The following CFLAR variants were observed in gnomAD, a reference collection of about 807,000 sequenced individuals.
CFLAR encodes CASP8 and FADD-like apoptosis regulator.
In CFLAR, 14 loss-of-function variants were observed where a neutral mutation model predicts 51.1. The ratio of observed to expected loss-of-function variants is 0.27; its 90% CI spans 0.18 to 0.43. The LOEUF is 0.43. CFLAR is among the 20% of genes least tolerant of loss of function. The pLI is 1.00. For synonymous variants in CFLAR, 210 were observed against 211.6 expected (o/e 0.99, Z 0.06); for missense variants, 390 against 566.5 (o/e 0.69, Z 3.16).
rs1363053906 is a variant in CFLAR at position 201,169,679 on chromosome 2, T to C, written c.*5706T>C. 1.3e-5 allele frequency: 2 copies of C among 152,058 alleles called. No individual in the cohort carries two copies. The highest frequency in any genetic ancestry group is 6.5e-5 in the Admixed American group (1 of 15,270). The allele number at this position is 152,058 out of a possible 1,614,324, so 9.4% of individuals were successfully genotyped here. A position where few individuals can be genotyped will look rare whatever the true frequency, so the allele number is the denominator to read the frequency against. Reference sequence around the variant, plus strand: ...TAGAGTGAACAGGCAACCTACAGAATGGGAGAACATTTTTGCAATCTATCC... The same window carrying C: ...TAGAGTGAACAGGCAACCTACAGAACGGGAGAACATTTTTGCAATCTATCC... On this transcript the variant is annotated 3_prime_UTR_variant, in exon 10 of 10. Transcript: ENST00000309955.
intron 8 of CFLAR, among the ~76,000 whole-genome samples, chr2:201,158,344 T>A (rs1942517136): frequency 2.6e-5 from 4 of 152,248 alleles, no homozygotes; most frequent in Admixed American, 2.6e-4. Flanking sequence ...CAGCATTTGT[T>A]CTGTCCAAGC....
In CFLAR at chr2:201,159,060, T is replaced by C. The variant is rs1942668177; in HGVS notation, c.794-1372T>C. On this transcript the variant is annotated intron_variant, in intron 8 of 9. Coordinates refer to ENST00000309955, the MANE Select transcript of CFLAR (RefSeq NM_003879.7). ...GCCTGGCTAATTTTTGTATTTTTAGTAGAGACGGGGTTTCACCATATTGGC... is the reference window on the plus strand; with the variant it reads ...GCCTGGCTAATTTTTGTATTTTTAGCAGAGACGGGGTTTCACCATATTGGC... Among the ~76,000 whole-genome samples the C allele has an allele frequency of 4.6e-5, 7 of 151,910 alleles. No homozygotes were observed. In the South Asian group the frequency reaches 1.5e-3, roughly 32 times the overall value.
At position 201,149,041 on chromosome 2, in the gene CFLAR, T is replaced by C; in HGVS notation, c.700T>C (p.Phe234Leu). 6.2e-7 allele frequency: 1 copy of C among 1,609,906 alleles called. No homozygotes were observed. The highest frequency in any genetic ancestry group is 8.5e-7 in the Non-Finnish European group (1 of 1,176,256). ...GAAATCCATTCAGGAATCAGAAGCT[T>C]TTTTGCCTCAGGTACAGAATAAATG... Reference protein sequence around the residue: ...VKKSIQESEAFLPQSIPEERY... With the variant: ...VKKSIQESEALLPQSIPEERY... Residue 234 changes from phenylalanine (F) to leucine (L), a missense_variant, in exon 7 of 10, where the codon TTT becomes CTT. By Grantham distance (22) the Phe-to-Leu change is conservative (BLOSUM62 0). Transcript: ENST00000309955.
At chr2:201,140,155 C>A in intron 4 of CFLAR, 1 of 372,922 alleles carries the variant, frequency 2.7e-6, no homozygotes, top group Non-Finnish European at 4.6e-6. Context: ...GCGGCAGCGG[C>A]GGGGCGGGCC....
intron 8 of CFLAR, among the ~76,000 whole-genome samples, chr2:201,154,919 G>A (rs967505010): frequency 3.9e-5 from 6 of 152,262 alleles, no homozygotes; most frequent in South Asian, 2.1e-4. Context: ...ATGAAATAAG[G>A]TTATTCTTTG....
At chr2:201,136,136 G>A in intron 4 of CFLAR, 29 bp downstream of exon 4, 1 of 1,612,702 alleles carries the variant, frequency 6.2e-7, no homozygotes, top group South Asian at 1.1e-5. Flanking sequence ...CAGTGGTCTA[G>A]GGGAAGTACT....
chr2:201,168,450 A>C lies in CFLAR; in HGVS notation c.*4477A>C, dbSNP rs1943800958. The stretch of plus-strand genomic sequence containing the variant: ...TTGCTTCATGTTAAAAACTCTCAAT[A>C]AACTAGGTATTGATGGAAAATATCT... On this transcript the variant is annotated 3_prime_UTR_variant, in exon 10 of 10. Transcript: ENST00000309955. 3 of 152,148 alleles carry C rather than the reference A, an allele frequency of 2.0e-5. No individual in the cohort carries two copies. The allele number at this position is 152,148 out of a possible 1,614,324, so 9.4% of individuals were successfully genotyped here. A position where few individuals can be genotyped will look rare whatever the true frequency, so the allele number is the denominator to read the frequency against.
chr2:201,155,230 A>G (rs1452912157), intron 8 of CFLAR, among the ~76,000 whole-genome samples: 1 of 152,126 alleles, frequency 6.6e-6, no homozygotes, highest in Non-Finnish European at 1.5e-5. Flanking sequence ...CCCTTGAATA[A>G]AAATAAAAGA....
At chr2:201,162,514 G>T in intron 9 of CFLAR, 1 of 179,732 alleles carries the variant, frequency 5.6e-6, no homozygotes. Flanking sequence ...CCAAAGCAGG[G>T]GACAAGGACT....
intron 8 of CFLAR, among the ~76,000 whole-genome samples, chr2:201,154,886 C>G (rs895578396): frequency 6.6e-6 from 1 of 152,272 alleles, no homozygotes; most frequent in Non-Finnish European, 1.5e-5. Context: ...GAGGTGGAGT[C>G]TGATCTCAGA....
chr2:201,117,478 A>G (rs138396835), intron 1 of CFLAR, among the ~76,000 whole-genome samples: 11 of 152,316 alleles, frequency 7.2e-5, no homozygotes, highest in African/African-American at 2.2e-4. Flanking sequence ...AGGTCTTGCG[A>G]ATATTTTAAT....
At position 201,164,361 on chromosome 2, in the gene CFLAR, T is replaced by C. The variant is rs1943347297; in HGVS notation, c.*388T>C. On this transcript the variant is annotated 3_prime_UTR_variant, in exon 10 of 10. Coordinates refer to ENST00000309955, the MANE Select transcript of CFLAR (RefSeq NM_003879.7). ...AGAGGGACAGAACTAATAGGATACA[T>C]GTATATAAAAAGGGGAGTTTATTAA... The C allele has an allele frequency of 6.5e-6, 1 of 154,690 alleles. No individual in the cohort carries two copies. Among genetic ancestry groups the C allele is most frequent in the Non-Finnish European group, 1.4e-5 (1 of 69,788 alleles). 9.6% of individuals were successfully genotyped at this position (154,690 alleles called of 1,614,324 possible). A position where few individuals can be genotyped will look rare whatever the true frequency, so the allele number is the denominator to read the frequency against.
chr2:201,136,162 G>A (rs1197025200), intron 4 of CFLAR, 55 bp downstream of exon 4: 1 of 1,612,440 alleles, frequency 6.2e-7, no homozygotes, highest in Non-Finnish European at 8.5e-7. Context: ...CATGGGGGTG[G>A]GCATCATGAC....
At chr2:201,158,780 T>G (rs1276757860) in intron 8 of CFLAR, among the ~76,000 whole-genome samples, 1 of 151,848 alleles carries the variant, frequency 6.6e-6, no homozygotes, top group African/African-American at 2.4e-5. Flanking sequence ...AAATTGCTCT[T>G]CAAAAAGGCT....
intron 8 of CFLAR, among the ~76,000 whole-genome samples, chr2:201,157,446 A>G (rs1396936544): frequency 2.5e-4 from 38 of 151,696 alleles, no homozygotes; most frequent in Non-Finnish European, 1.5e-5. Context: ...CTGCCCTCAC[A>G]GTCACCTTTT....
rs1576035975 is a variant in CFLAR at position 201,172,245 on chromosome 2, A to G, written c.*8272A>G. On this transcript the variant is annotated 3_prime_UTR_variant, in exon 10 of 10. Transcript: ENST00000309955. ...GATGGATTGAAAAGAGAAATGATGGATCTCCTAAATTTTAACTTTTATAAA... is the reference window on the plus strand; with the variant it reads ...GATGGATTGAAAAGAGAAATGATGGGTCTCCTAAATTTTAACTTTTATAAA... 3 of 152,330 alleles carry G rather than the reference A, an allele frequency of 2.0e-5. No individual in the cohort carries two copies. In the East Asian group the frequency reaches 5.8e-4, roughly 29 times the overall value. 9.4% of individuals were successfully genotyped at this position (152,330 alleles called of 1,614,324 possible). A position where few individuals can be genotyped will look rare whatever the true frequency, so the allele number is the denominator to read the frequency against.
chr2:201,163,294 T>G lies in CFLAR; in HGVS notation c.1305-541T>G, dbSNP rs115699540. The G allele has an allele frequency of 4.2e-3, 5,312 of 1,273,682 alleles. 13 individuals are homozygous for G. Among genetic ancestry groups the G allele is most frequent in the Non-Finnish European group, 4.8e-3 (4,816 of 1,005,516 alleles). The allele number at this position is 1,273,682 out of a possible 1,614,324, so 78.9% of individuals were successfully genotyped here. ...AAACATCAGTGAGCTGGTTTCCATT[T>G]AAGCTGAATGAAGCCACAATGTACC... On this transcript the variant is annotated intron_variant, in intron 9 of 9. Coordinates refer to ENST00000309955, the MANE Select transcript of CFLAR (RefSeq NM_003879.7).
Position 201,138,043 on chromosome 2 carries a change from T to G in CFLAR, c.523+1936T>G. 4 of 724,236 alleles carry G rather than the reference T, an allele frequency of 5.5e-6. No homozygotes were observed. In the East Asian group the frequency reaches 1.0e-4, roughly 18 times the overall value. 44.9% of individuals were successfully genotyped at this position (724,236 alleles called of 1,614,324 possible). ...TACACAGCAGTGCCCTGGGGCTGAC[T>G]GCAGGCTATCACTTCCTGGTTGATG... On this transcript the variant is annotated intron_variant, in intron 4 of 9. Transcript: ENST00000309955. This position sits in a 1 kb window ranked among gnomAD's most constrained non-coding sequence, Gnocchi z 4.0.
At position 201,136,121 on chromosome 2, in the gene CFLAR, CCT is replaced by C. The variant is rs1408331274; in HGVS notation, c.523+18_523+19del. ...ACAAGCAGTCTGGTAAGAATTTTGG[CCT>C]CTCAGTGGTCTAGGGGAAGTACTCT... On this transcript the variant is annotated intron_variant, in intron 4 of 9. Coordinates refer to ENST00000309955, the MANE Select transcript of CFLAR (RefSeq NM_003879.7). 2 of 1,612,276 alleles carry C rather than the reference CCT, an allele frequency of 1.2e-6. No homozygotes were observed. Among genetic ancestry groups the C allele is most frequent in the Middle Eastern group, 1.7e-4 (1 of 6,024 alleles).
Sources: allele counts gnomAD v4.1 joint callset (sites outside exome capture counted in the v4.1 genomes callset), GRCh38; gene constraint gnomAD v4.1.1; non-coding constraint Gnocchi (gnomAD v3.1); transcripts MANE v1.5; gene names NCBI Gene and HGNC (gene_info 2026-07-23, HGNC 2026-07-21).